MICU1: variants seen among roughly 807,000 people sequenced by gnomAD.
The protein encoded by MICU1 is mitochondrial calcium uptake 1.
Under a neutral mutation model 56.8 loss-of-function variants are expected in MICU1, and 45 were observed. The ratio of observed to expected loss-of-function variants is 0.79; its 90% confidence interval spans 0.62 to 1.02. The LOEUF (loss-of-function observed/expected upper bound fraction) is 1.02, where lower values mean the gene tolerates loss of function less well. Among genes scored for constraint, MICU1 ranks in the 50% least tolerant of loss-of-function variants. MICU1 has a pLI of 0.00. For missense variants in MICU1, 504 were observed against 587.1 expected, an observed-to-expected ratio of 0.86 and a Z score of 1.46; for synonymous variants, 186 against 195.1, an observed-to-expected ratio of 0.95 and a Z score of 0.39.
chr10:72,611,855 T>C (rs1038457699), intron 1 of MICU1, among the ~76,000 whole-genome samples: 3 of 151,988 alleles, frequency 2.0e-5, no homozygotes, highest in African/African-American at 4.8e-5. Context: ...GGCACTGTGG[T>C]GTGTCCCTAT....
chr10:72,464,310 AAAAAAAAAAAAAG>A (rs1865725242), intron 8 of MICU1, among the ~76,000 whole-genome samples: 1 of 151,202 alleles, frequency 6.6e-6, no homozygotes, highest in Non-Finnish European at 1.5e-5. Flanking sequence ...AAAAAAAAAA[AAAAAAAAAAAAAG>A]AACTGTTATA....
At position 72,416,258 on chromosome 10, in the gene MICU1, G is replaced by C. The variant is rs140748490; in HGVS notation, c.1071+6976C>G. Among the ~76,000 whole-genome samples, 858 of 152,244 alleles carry C rather than the reference G, an allele frequency of 5.6e-3. 6 individuals carry two copies. Among genetic ancestry groups the C allele is most frequent in the Non-Finnish European group, 8.4e-3 (569 of 68,020 alleles). ...ACTAAATCTCCTATAGTAATTCATA[G>C]CTTAGTACTCCTTTGGGGGAAGTAC... On this transcript the variant is annotated intron_variant, in intron 9 of 11. Coordinates refer to ENST00000361114, the MANE Select transcript of MICU1 (RefSeq NM_001195518.2).
chr10:72,400,718 C>G (rs1236204854), intron 10 of MICU1, among the ~76,000 whole-genome samples: 1 of 152,050 alleles, frequency 6.6e-6, no homozygotes, highest in Non-Finnish European at 1.5e-5. Context: ...TGCACTCCAA[C>G]CTGGGCAACA....
chr10:72,554,339 T>A (rs1006312629), intron 3 of MICU1, among the ~76,000 whole-genome samples: 85 of 152,374 alleles, frequency 5.6e-4, no homozygotes, highest in African/African-American at 2.0e-3. Flanking sequence ...AGACATTAGG[T>A]GTCTTATGAT....
chr10:72,540,282 A>G (rs959862851), intron 4 of MICU1, among the ~76,000 whole-genome samples: 9 of 151,798 alleles, frequency 5.9e-5, no homozygotes, highest in East Asian at 1.9e-4. Flanking sequence ...AAAAAAAAAA[A>G]AAAAGAAAAG....
intron 9 of MICU1, among the ~76,000 whole-genome samples, chr10:72,421,439 T>A (rs1047133171): frequency 4.6e-5 from 7 of 152,288 alleles, no homozygotes; most frequent in Non-Finnish European, 1.0e-4. Context: ...CACGCCTGGC[T>A]AATTTTTGTA....
chr10:72,426,886 G>A (rs1364705805), intron 8 of MICU1, among the ~76,000 whole-genome samples: 1 of 152,182 alleles, frequency 6.6e-6, no homozygotes, highest in Non-Finnish European at 1.5e-5. Context: ...AGGATCTTTT[G>A]AGGAAAGACA....
intron 8 of MICU1, among the ~76,000 whole-genome samples, chr10:72,463,299 G>A (rs1269498282): frequency 1.3e-5 from 2 of 152,184 alleles, no homozygotes; most frequent in South Asian, 2.1e-4. Flanking sequence ...CCAACATCAG[G>A]TGATCTGCCC....
intron 1 of MICU1, among the ~76,000 whole-genome samples, chr10:72,569,956 T>TG (rs1840566402): frequency 6.6e-6 from 1 of 152,036 alleles, no homozygotes. Context: ...TTTTTGTGTG[T>TG]GTGTTTTGAG....
At chr10:72,539,715 G>A (rs1460315170) in intron 4 of MICU1, among the ~76,000 whole-genome samples, 1 of 152,034 alleles carries the variant, frequency 6.6e-6, no homozygotes, top group Non-Finnish European at 1.5e-5. Context: ...AATATTAGTA[G>A]GAGGAAGGAA....
rs569737819 is a variant in MICU1 at position 72,557,154 on chromosome 10, C to T, written c.330+5741G>A. Among the ~76,000 whole-genome samples, 6 of 152,194 alleles carry T rather than the reference C, an allele frequency of 3.9e-5. No individual in the cohort carries two copies. The East Asian group carries it at 7.7e-4, about 20-fold the overall frequency. Reference sequence around the variant, plus strand: ...ATATTAGTTAGGGTAGGTTAAAATGCTATTACAAATACACCTCAAAATACA... The same window carrying T: ...ATATTAGTTAGGGTAGGTTAAAATGTTATTACAAATACACCTCAAAATACA... On this transcript the variant is annotated intron_variant, in intron 3 of 11. Coordinates refer to ENST00000361114, the MANE Select transcript of MICU1 (RefSeq NM_001195518.2).
intron 8 of MICU1, among the ~76,000 whole-genome samples, chr10:72,449,605 G>A (rs1222300611): frequency 1.3e-5 from 2 of 151,736 alleles, no homozygotes; most frequent in East Asian, 1.9e-4. Flanking sequence ...GCAGTAAAGC[G>A]TTTTTTTATT....
At chr10:72,403,629 TTG>T (rs60373032) in intron 10 of MICU1, among the ~76,000 whole-genome samples, 8,580 of 139,674 alleles carry the variant, frequency 0.061, 311 homozygotes, top group African/African-American at 0.1. Context: ...CATACCAAAA[TTG>T]TGTGTGTGTG....
At chr10:72,532,955 C>T (rs1839527976) in intron 5 of MICU1, 2 of 1,250,954 alleles carry the variant, frequency 1.6e-6, no homozygotes, top group East Asian at 5.6e-5. Flanking sequence ...TTTTACTAAC[C>T]CTGACCTCTC....
At chr10:72,523,703 C>T (rs1867888964) in intron 5 of MICU1, 2 of 766,150 alleles carry the variant, frequency 2.6e-6, no homozygotes, top group Non-Finnish European at 1.8e-6. Flanking sequence ...GACTGCCAGC[C>T]ACCAGAAATG....
intron 10 of MICU1, among the ~76,000 whole-genome samples, chr10:72,404,182 G>A (rs1863555154): frequency 1.3e-5 from 2 of 151,454 alleles, no homozygotes; most frequent in African/African-American, 4.9e-5. Flanking sequence ...TACAAATGGA[G>A]TTTCACCCTG....
chr10:72,409,858 C>T (rs930478207), intron 9 of MICU1, among the ~76,000 whole-genome samples: 1 of 152,040 alleles, frequency 6.6e-6, no homozygotes, highest in Non-Finnish European at 1.5e-5. Context: ...GCAAAGTGAA[C>T]ACCCACAGAA....
At chr10:72,617,379 A>G (rs1289437366) in intron 1 of MICU1, among the ~76,000 whole-genome samples, 3 of 152,144 alleles carry the variant, frequency 2.0e-5, no homozygotes, top group Non-Finnish European at 4.4e-5. Context: ...AACTCTTTTT[A>G]ATGCTAGCAT....
rs747801832 is a variant in MICU1, at chr10:72,423,568, A to G, written c.934-197T>C. 2.0e-5 allele frequency among the ~76,000 whole-genome samples: 3 copies of G among 152,174 alleles called. No homozygotes were observed. In the East Asian group the frequency reaches 5.8e-4, roughly 29 times the overall value. ...TCTTATCCCAGATCTGCCACTTACT[A>G]TTGTCAGAGACAGTCAAGCCAGAGC... On this transcript the variant is annotated intron_variant, in intron 8 of 11. Transcript: ENST00000361114.
Sources: gnomAD v4.1 joint callset for allele counts (sites outside exome capture counted in the v4.1 genomes callset) on GRCh38, gnomAD v4.1.1 for gene constraint, MANE v1.5 for transcripts, NCBI Gene and HGNC (gene_info 2026-07-23, HGNC 2026-07-21) for gene names.